Variants in VEGFC observed in about 807,000 individuals in gnomAD.
VEGFC encodes the protein FLT4 ligand DHM.
A neutral mutation model predicts 46.1 loss-of-function variants in VEGFC; 12 were observed. The ratio of observed to expected loss-of-function variants is 0.26; its 90% CI spans 0.17 to 0.42. The LOEUF is 0.42. VEGFC is among the 10% of genes least tolerant of loss of function. The pLI, the probability that VEGFC is intolerant of heterozygous loss-of-function variation, is 1.00. For synonymous variants in VEGFC, 232 were observed against 195.5 expected (o/e 1.19, Z -1.56); for missense variants, 488 against 529.4 (o/e 0.92, Z 0.77).
At position 176,780,395 on chromosome 4, in the gene VEGFC, A is replaced by AAACAAACAAAAAAAC. The variant is rs1247497318; in HGVS notation, c.147+11769_147+11770insGTTTTTTTGTTTGTT. Among the ~76,000 whole-genome samples, 6 of 151,110 alleles carry AAACAAACAAAAAAAC rather than the reference A, an allele frequency of 4.0e-5. 1 individual carries two copies. The highest frequency in any genetic ancestry group is 8.9e-5 in the Non-Finnish European group (6 of 67,772). ...AGACTCCATCTCAAAAAAAAAAAAA[A>AAACAAACAAAAAAAC]AAAACTCCTTCTAACCCATTCACTA... On this transcript the variant is annotated intron_variant, in intron 1 of 6. Transcript: ENST00000618562.
chr4:176,766,925 A>G (rs1235270949), intron 1 of VEGFC, among the ~76,000 whole-genome samples: 3 of 151,012 alleles, frequency 2.0e-5, no homozygotes. Context: ...AATGTTTCTT[A>G]AACAAGACAT....
At chr4:176,744,900 C>T (rs926973035) in intron 1 of VEGFC, among the ~76,000 whole-genome samples, 1 of 152,058 alleles carries the variant, frequency 6.6e-6, no homozygotes, top group African/African-American at 2.4e-5. Context: ...GTGTTACTTA[C>T]ACCATATTAC....
At chr4:176,733,450 G>T (rs1184125019) in intron 1 of VEGFC, among the ~76,000 whole-genome samples, 1 of 151,890 alleles carries the variant, frequency 6.6e-6, no homozygotes, top group South Asian at 2.1e-4. Context: ...ACTGATATCT[G>T]CCACAATAGG....
At chr4:176,698,010 G>A (rs190389760) in intron 4 of VEGFC, among the ~76,000 whole-genome samples, 202 of 152,090 alleles carry the variant, frequency 1.3e-3, no homozygotes, top group African/African-American at 4.7e-3. Flanking sequence ...GGGAGGGATA[G>A]CATTGGGAGA....
intron 3 of VEGFC, among the ~76,000 whole-genome samples, chr4:176,718,701 C>T (rs561241194): frequency 7.2e-4 from 109 of 152,210 alleles, no homozygotes; most frequent in African/African-American, 2.6e-3. Context: ...GTTCCTTGAG[C>T]TTGATTTAAC....
intron 4 of VEGFC, among the ~76,000 whole-genome samples, chr4:176,688,213 G>A (rs962328151): frequency 6.6e-6 from 1 of 152,130 alleles, no homozygotes; most frequent in Admixed American, 6.5e-5. Flanking sequence ...GTTTTAGCTT[G>A]TGAAATAAAT....
chr4:176,708,073 G>T (rs1043431717), intron 4 of VEGFC, among the ~76,000 whole-genome samples: 1 of 151,702 alleles, frequency 6.6e-6, no homozygotes, highest in Admixed American at 6.6e-5. Context: ...TAAGTTAAAA[G>T]TTTTCTCATA....
At chr4:176,698,236 T>G (rs1432723074) in intron 4 of VEGFC, among the ~76,000 whole-genome samples, 1 of 151,812 alleles carries the variant, frequency 6.6e-6, no homozygotes, top group African/African-American at 2.4e-5. Context: ...ATTCTCATAT[T>G]CTACACTCTT....
intron 4 of VEGFC, among the ~76,000 whole-genome samples, chr4:176,690,280 T>C (rs1579085395): frequency 6.6e-6 from 1 of 152,052 alleles, no homozygotes; most frequent in African/African-American, 2.4e-5. Context: ...GAGTTAAGAC[T>C]ATGAGAAAAA....
At chr4:176,689,381 C>T (rs1324087405) in intron 4 of VEGFC, 1 of 152,148 alleles carries the variant, frequency 6.6e-6, no homozygotes, top group Non-Finnish European at 1.5e-5. Context: ...AACAGAAAAA[C>T]AAGCAAATCT....
At chr4:176,734,581 C>A (rs938526672) in intron 1 of VEGFC, among the ~76,000 whole-genome samples, 1 of 151,588 alleles carries the variant, frequency 6.6e-6, no homozygotes, top group African/African-American at 2.4e-5. Context: ...CTTTTGTGGA[C>A]AATCAATGTC....
At chr4:176,701,195 A>G (rs1221729451) in intron 4 of VEGFC, among the ~76,000 whole-genome samples, 1 of 152,212 alleles carries the variant, frequency 6.6e-6, no homozygotes, top group Non-Finnish European at 1.5e-5. Context: ...AACTCGTGAA[A>G]GAGGATGTTA....
chr4:176,708,564 T>C (rs1384033169), intron 4 of VEGFC, among the ~76,000 whole-genome samples: 2 of 152,116 alleles, frequency 1.3e-5, no homozygotes, highest in African/African-American at 2.4e-5. Context: ...AGCAGCACCA[T>C]AATTAAGGAC....
chr4:176,687,711 T>A, intron 5 of VEGFC, 110 bp downstream of exon 5: 1 of 1,024,010 alleles, frequency 9.8e-7, no homozygotes, highest in Non-Finnish European at 1.4e-6. Flanking sequence ...TATTTTTTAG[T>A]CACTTATTTA....
At chr4:176,772,489 C>T (rs1560962458) in intron 1 of VEGFC, among the ~76,000 whole-genome samples, 1 of 152,182 alleles carries the variant, frequency 6.6e-6, no homozygotes, top group Non-Finnish European at 1.5e-5. Flanking sequence ...AGTACATCAA[C>T]GTTGCAAACA....
At chr4:176,721,789 G>C (rs1312782028) in intron 3 of VEGFC, among the ~76,000 whole-genome samples, 2 of 152,132 alleles carry the variant, frequency 1.3e-5, no homozygotes, top group Non-Finnish European at 2.9e-5. Flanking sequence ...AGACTGACCT[G>C]TCTGAGGGAC....
At chr4:176,738,836 G>A (rs1219442235) in intron 1 of VEGFC, among the ~76,000 whole-genome samples, 3 of 151,446 alleles carry the variant, frequency 2.0e-5, no homozygotes, top group Non-Finnish European at 2.9e-5. Context: ...AGTCTACAAG[G>A]AACTTAAATT....
chr4:176,739,352 T>A (rs1034156029), intron 1 of VEGFC, among the ~76,000 whole-genome samples: 1 of 151,664 alleles, frequency 6.6e-6, no homozygotes, highest in Non-Finnish European at 1.5e-5. Context: ...TCATTGCCCA[T>A]CAATGATAGA....
chr4:176,739,944 TATATATAACTATATATTCGATATATCGA>T (rs1377773016), intron 1 of VEGFC, among the ~76,000 whole-genome samples: 44 of 25,030 alleles, frequency 1.8e-3, no homozygotes, highest in South Asian at 2.5e-3. Flanking sequence ...GGCTATAGAA[TATATATAACTATATATTCGATATATCGA>T]ATATATATAA....
Sources: gnomAD v4.1 joint callset for allele counts (sites outside exome capture counted in the v4.1 genomes callset) on GRCh38, gnomAD v4.1.1 for gene constraint, MANE v1.5 for transcripts, NCBI Gene and HGNC (gene_info 2026-07-23, HGNC 2026-07-21) for gene names.